SAP130: variants seen among roughly 807,000 people sequenced by gnomAD.
SAP130 encodes the protein histone deacetylase complex subunit SAP130.
SAP130 carries 16 observed loss-of-function variants against 103.2 expected under a neutral mutation model. The observed-to-expected ratio is 0.16, with a 90% CI of 0.10 to 0.24. The LOEUF (loss-of-function observed/expected upper bound fraction) is 0.24. SAP130 is among the 10% of genes least tolerant of loss of function. The pLI, the probability that SAP130 is intolerant of heterozygous loss-of-function variation, is 1.00. For synonymous variants in SAP130, 477 were observed against 497.0 expected, an observed-to-expected ratio of 0.96 and a Z score of 0.53; for missense variants, 990 against 1,359.7, an observed-to-expected ratio of 0.73 and a Z score of 4.28.
chr2:127,984,895 C>T (rs1573742031), intron 14 of SAP130, among the ~76,000 whole-genome samples: 1 of 152,206 alleles, frequency 6.6e-6, no homozygotes. Context: ...CTAACTTTAA[C>T]ACTTTTCAAA....
chr2:128,025,637 G>C (rs535912715), intron 2 of SAP130, among the ~76,000 whole-genome samples: 1 of 152,208 alleles, frequency 6.6e-6, no homozygotes, highest in Non-Finnish European at 1.5e-5. Flanking sequence ...CATTGTAGGA[G>C]GTATTACAAG....
rs1573757162 is a variant in SAP130 at position 127,989,840 on chromosome 2, T to C, written c.1504A>G (p.Ile502Val). The change falls in exon 13 of 21, where the codon ATC becomes GTC. Residue 502 changes from isoleucine (I) to valine (V), a missense_variant. Around this residue, in one of 6 missense-constraint regions of SAP130, gnomAD observed 336 missense variants for 520.1 expected, o/e 0.65. Transcript: ENST00000643581. The surrounding 1 kb of genome is among the most constrained non-coding windows in gnomAD (Gnocchi z 4.6). Reference sequence around the variant, plus strand: ...ACCCCAACACCAGTCTGAGCTGTGATGGCAGAGTTTGGAGCCTGAGCTGAA... The same window carrying C: ...ACCCCAACACCAGTCTGAGCTGTGACGGCAGAGTTTGGAGCCTGAGCTGAA... The part of the protein sequence containing the change: ...PVSAQAPNSA[I>V]TAQTGVGVAS... 2.5e-6 allele frequency: 4 copies of C among 1,613,838 alleles called. No individual in the cohort carries two copies. Among genetic ancestry groups the C allele is most frequent in the African/African-American group, 2.7e-5 (2 of 74,934 alleles).
rs1682666234 is a variant in SAP130 at position 127,989,861 on chromosome 2, C to T, written c.1483G>A (p.Ala495Thr). Residue 495 changes from alanine (A) to threonine (T), a missense_variant, in exon 13 of 21, where the codon GCT becomes ACT. Around this residue, in one of 6 missense-constraint regions of SAP130, gnomAD observed 336 missense variants for 520.1 expected, o/e 0.65. Coordinates refer to ENST00000643581, the MANE Select transcript of SAP130 (RefSeq NM_001330301.2). This position sits in a 1 kb window ranked among gnomAD's most constrained non-coding sequence, Gnocchi z 4.6. ...VSTIRQYPVS[A>T]QAPNSAITAQ... The stretch of plus-strand genomic sequence containing the variant: ...GTGATGGCAGAGTTTGGAGCCTGAG[C>T]TGAAACTAAAAATGATGCGAAAGGT... 6.2e-7 allele frequency: 1 copy of T among 1,611,732 alleles called. No homozygotes were observed. The highest frequency in any genetic ancestry group is 8.5e-7 in the Non-Finnish European group (1 of 1,178,194).
chr2:128,027,347 C>G (rs954845059), intron 1 of SAP130: 26 of 1,151,088 alleles, frequency 2.3e-5, no homozygotes, highest in East Asian at 8.5e-5. Flanking sequence ...CCACGCCCGA[C>G]GCGTCAGTGG....
Position 128,013,157 on chromosome 2 carries a change from G to GAAA in SAP130, c.620-6_620-4dup, listed in dbSNP as rs569229419. On this transcript the variant is annotated splice_region_variant and splice_polypyrimidine_tract_variant and intron_variant, in intron 5 of 20. Coordinates refer to ENST00000643581, the MANE Select transcript of SAP130 (RefSeq NM_001330301.2). ...CATCACAGCAGCAGCAGCTGCACCTGAAAAAAAAAAAGTGTTTATTATATT... is the reference window on the plus strand; with the variant it reads ...CATCACAGCAGCAGCAGCTGCACCTGAAAAAAAAAAAAAAGTGTTTATTATATT... 6 of 1,271,072 alleles carry GAAA rather than the reference G, an allele frequency of 4.7e-6. No homozygotes were observed. Among genetic ancestry groups the GAAA allele is most frequent in the South Asian group, 3.0e-5 (2 of 66,166 alleles). 78.7% of individuals were successfully genotyped at this position (1,271,072 alleles called of 1,614,324 possible). A position where few individuals can be genotyped will look rare whatever the true frequency, so the allele number is the denominator to read the frequency against.
intron 14 of SAP130, among the ~76,000 whole-genome samples, chr2:127,978,473 A>C (rs145581400): frequency 6.6e-6 from 1 of 152,200 alleles, no homozygotes; most frequent in Non-Finnish European, 1.5e-5. Flanking sequence ...TGGTGTTTAT[A>C]AAGACCCCGA....
intron 18 of SAP130, 105 bp from the exon 19 acceptor site, chr2:127,945,664 T>C: frequency 1.4e-6 from 1 of 714,284 alleles, no homozygotes; most frequent in Non-Finnish European, 2.4e-6. Context: ...AATTTTATTT[T>C]TTTTTTGAGA....
chr2:127,942,414 G>GCC lies in SAP130; in HGVS notation c.3015+9_3015+10insGG, dbSNP rs1367688981. 1 of 1,567,288 alleles carries GCC rather than the reference G, an allele frequency of 6.4e-7. No homozygotes were observed. Among genetic ancestry groups the GCC allele is most frequent in the Non-Finnish European group, 8.8e-7 (1 of 1,137,488 alleles). On this transcript the variant is annotated intron_variant, in intron 20 of 20. Coordinates refer to ENST00000643581, the MANE Select transcript of SAP130 (RefSeq NM_001330301.2). This position sits in a 1 kb window ranked among gnomAD's most constrained non-coding sequence, Gnocchi z 4.8. ...AGTAGATGATCAGAAGGGAAGGGGC[G>GCC]CACTCAAACCTGTATCAGTTCGTTT...
At chr2:127,945,265 A>G (rs1302985892) in intron 19 of SAP130, among the ~76,000 whole-genome samples, 191 bp downstream of exon 19, 1 of 152,226 alleles carries the variant, frequency 6.6e-6, no homozygotes, top group African/African-American at 2.4e-5. Context: ...ACCAGAACTT[A>G]GATATATTTC....
chr2:127,957,833 C>T (rs958294530), intron 15 of SAP130, among the ~76,000 whole-genome samples: 1 of 151,748 alleles, frequency 6.6e-6, no homozygotes, highest in Non-Finnish European at 1.5e-5. Flanking sequence ...AGAAGAGAGA[C>T]AGTAAATAAG....
In SAP130 at chr2:128,015,940, C is replaced by CAAAA. The variant is rs58340147; in HGVS notation, c.507+445_507+448dup. ...TGGGTGACACCGTGAGATTCTGTCT[C>CAAAA]AAAAAAAAAAAAAAAAAAGTTTGGA... On this transcript the variant is annotated intron_variant, in intron 4 of 20. Coordinates refer to ENST00000643581, the MANE Select transcript of SAP130 (RefSeq NM_001330301.2). Among the ~76,000 whole-genome samples the CAAAA allele has an allele frequency of 5.6e-4, 55 of 97,506 alleles. 2 individuals are homozygous for CAAAA. The highest frequency in any genetic ancestry group is 1.7e-3 in the African/African-American group (48 of 27,654). The allele number at this position is 97,506 out of a possible 152,430, so 64.0% of individuals were successfully genotyped here. A position where few individuals can be genotyped will look rare whatever the true frequency, so the allele number is the denominator to read the frequency against.
At chr2:127,999,938 T>C in intron 9 of SAP130, 93 bp from the exon 10 acceptor site, 1 of 1,436,388 alleles carries the variant, frequency 7.0e-7, no homozygotes, top group Non-Finnish European at 9.6e-7. Flanking sequence ...TGGAAAAAGT[T>C]AAGAGAATTT....
intron 2 of SAP130, among the ~76,000 whole-genome samples, chr2:128,022,257 G>T (rs1288201705): frequency 6.6e-6 from 1 of 152,174 alleles, no homozygotes; most frequent in Non-Finnish European, 1.5e-5. Flanking sequence ...GTTACTGAGG[G>T]TTATCCATAA....
At chr2:127,944,172 G>C (rs1326491286) in intron 19 of SAP130, among the ~76,000 whole-genome samples, 1 of 151,904 alleles carries the variant, frequency 6.6e-6, no homozygotes, top group African/African-American at 2.4e-5. Flanking sequence ...GCTGGGACTA[G>C]GGGGTGTGCA....
Position 127,941,832 on chromosome 2 carries a change from G to T in SAP130, c.*174C>A, listed in dbSNP as rs1678732705. 3.2e-6 allele frequency: 2 copies of T among 625,338 alleles called. No homozygotes were observed. Among genetic ancestry groups the T allele is most frequent in the African/African-American group, 1.9e-5 (1 of 53,198 alleles). The allele number at this position is 625,338 out of a possible 1,614,324, so 38.7% of individuals were successfully genotyped here. A position where few individuals can be genotyped will look rare whatever the true frequency, so the allele number is the denominator to read the frequency against. On this transcript the variant is annotated 3_prime_UTR_variant, in exon 21 of 21. Coordinates refer to ENST00000643581, the MANE Select transcript of SAP130 (RefSeq NM_001330301.2). ...GCAAGAAGGCAGCTCACTATGTCCA[G>T]TCAGCTCTGATCCTTTCACGCCCTT...
At chr2:128,027,118 C>G (rs774822632) in intron 1 of SAP130, 34 of 1,406,414 alleles carry the variant, frequency 2.4e-5, no homozygotes, top group East Asian at 3.0e-5. Flanking sequence ...CCGCCCGCAC[C>G]GCCCGCTTCT....
Position 127,955,108 on chromosome 2 carries a change from G to C in SAP130, c.2300C>G (p.Ala767Gly). 1 of 1,614,226 alleles carries C rather than the reference G, an allele frequency of 6.2e-7. No individual in the cohort carries two copies. The highest frequency in any genetic ancestry group is 1.6e-4 in the Middle Eastern group (1 of 6,062). The change falls in exon 16 of 21, where the codon GCA becomes GGA. Residue 767 changes from alanine (A) to glycine (G), a missense_variant. Coordinates refer to ENST00000643581, the MANE Select transcript of SAP130 (RefSeq NM_001330301.2). The surrounding 1 kb of genome is among the most constrained non-coding windows in gnomAD (Gnocchi z 4.9). ...VPITPPITTI[A>G]AAPPPSVTVG... is the part of the protein sequence containing the mutation. ...AGTGACTGATGGAGGTGGTGCAGCT[G>C]CAATGGTGGTGATGGGTGGAGTGAT...
intron 17 of SAP130, 67 bp from the exon 18 acceptor site, chr2:127,950,061 A>G (rs1207577235): frequency 1.9e-6 from 3 of 1,604,916 alleles, no homozygotes. Flanking sequence ...CATTTCCAGT[A>G]AGTGAGGTAC....
Position 127,944,124 on chromosome 2 carries a change from C to G in SAP130, c.2901+1332G>C, listed in dbSNP as rs372861560. Among the ~76,000 whole-genome samples the G allele has an allele frequency of 1.6e-4, 24 of 151,954 alleles. No individual in the cohort carries two copies. In the East Asian group the frequency reaches 4.1e-3, roughly 26 times the overall value. The stretch of plus-strand genomic sequence containing the variant: ...ATGGCTAAGGGCAGCCTTGGTCTTC[C>G]GGGCTCAAGAGTTCCTCCCACCTCA... On this transcript the variant is annotated intron_variant, in intron 19 of 20. Transcript: ENST00000643581.
Sources: allele counts gnomAD v4.1 joint callset (sites outside exome capture counted in the v4.1 genomes callset), GRCh38; gene constraint gnomAD v4.1.1; regional missense constraint gnomAD v4.1.1; non-coding constraint Gnocchi (gnomAD v3.1); transcripts MANE v1.5; gene names NCBI Gene and HGNC (gene_info 2026-07-23, HGNC 2026-07-21).